Variants in KCNC2 observed in about 807,000 individuals in gnomAD.
KCNC2 encodes potassium voltage-gated channel subfamily C member 2.
Under a neutral mutation model 44.5 loss-of-function variants are expected in KCNC2, and 21 were observed. The ratio of observed to expected loss-of-function variants is 0.47; its 90% confidence interval spans 0.33 to 0.68. The LOEUF is 0.68. KCNC2 is among the 30% of genes least tolerant of loss of function. The probability of loss-of-function intolerance (pLI) is 0.01; values close to 1 mark genes in which losing one functional copy is unlikely to be tolerated. For missense variants in KCNC2, 589 were observed against 826.2 expected (o/e 0.71, Z 3.52); for synonymous variants, 391 against 339.1 (o/e 1.15, Z -1.68).
intron 3 of KCNC2, among the ~76,000 whole-genome samples, chr12:75,049,481 TAC>T (rs1269966967): frequency 6.6e-6 from 1 of 152,114 alleles, no homozygotes; most frequent in Non-Finnish European, 1.5e-5. Flanking sequence ...ATTTTACCTG[TAC>T]CAGACAGTAG....
In KCNC2 at chr12:75,041,119, A is replaced by C. The variant is rs373306032; in HGVS notation, c.*1986T>G. 22 of 1,596,478 alleles carry C rather than the reference A, an allele frequency of 1.4e-5. No individual in the cohort carries two copies. The African/African-American group carries it at 2.9e-4, about 21-fold the overall frequency. On this transcript the variant is annotated 3_prime_UTR_variant, in exon 5 of 5. Coordinates refer to ENST00000549446, the MANE Select transcript of KCNC2 (RefSeq NM_139137.4). ...ACATCAGGGCACATTCAGCAGCAGA[A>C]GTCTGTTTCCAGTATAGTCCTTGGT...
At chr12:75,055,964 T>C (rs1881704140) in intron 2 of KCNC2, among the ~76,000 whole-genome samples, 1 of 152,082 alleles carries the variant, frequency 6.6e-6, no homozygotes, top group Non-Finnish European at 1.5e-5. Flanking sequence ...TCACAAATGC[T>C]TATTCATTTT....
intron 2 of KCNC2, among the ~76,000 whole-genome samples, chr12:75,184,105 C>T (rs1892776383): frequency 6.6e-6 from 1 of 152,176 alleles, no homozygotes; most frequent in Admixed American, 6.5e-5. Context: ...TGATTAGATT[C>T]TCTTTCCATG....
At chr12:75,184,761 T>C (rs1892820280) in intron 2 of KCNC2, among the ~76,000 whole-genome samples, 1 of 152,222 alleles carries the variant, frequency 6.6e-6, no homozygotes, top group Non-Finnish European at 1.5e-5. Context: ...ATATGCAAAA[T>C]ATTCATCCAG....
chr12:75,101,316 A>C (rs1432907479), intron 2 of KCNC2, among the ~76,000 whole-genome samples: 1 of 152,050 alleles, frequency 6.6e-6, no homozygotes. Context: ...TTCAGGTTAC[A>C]TGGTGTTCAG....
At position 75,155,131 on chromosome 12, in the gene KCNC2, A is replaced by T. The variant is rs190927513; in HGVS notation, c.687+52166T>A. Among the ~76,000 whole-genome samples the T allele has an allele frequency of 7.2e-5, 11 of 152,002 alleles. No homozygotes were observed. In the East Asian group the frequency reaches 1.9e-3, roughly 27 times the overall value. On this transcript the variant is annotated intron_variant, in intron 2 of 4. Coordinates refer to ENST00000549446, the MANE Select transcript of KCNC2 (RefSeq NM_139137.4). ...GTCAACCCTCTCTCCCAAGAAAAAA[A>T]AACGCCCCTCTTTACCATGCCTGCA...
chr12:75,141,239 T>C (rs559748992), intron 2 of KCNC2, among the ~76,000 whole-genome samples: 1 of 152,328 alleles, frequency 6.6e-6, no homozygotes, highest in South Asian at 2.1e-4. Context: ...TTCTAAATTC[T>C]CTCAACAATG....
Position 75,051,156 on chromosome 12 carries a change from C to A in KCNC2, c.849G>T (p.Thr283=), listed in dbSNP as rs201186928. The A allele has an allele frequency of 1.2e-6, 2 of 1,613,762 alleles. No homozygotes were observed. The highest frequency in any genetic ancestry group is 1.7e-6 in the Non-Finnish European group (2 of 1,179,772). The change falls in exon 3 of 5, where the codon ACG becomes ACT. Residue 283 remains threonine, a synonymous_variant. Coordinates refer to ENST00000549446, the MANE Select transcript of KCNC2 (RefSeq NM_139137.4). The part of the protein sequence containing the change: ...QYEIETDPAL[T]YVEGVCVVWF... The stretch of plus-strand genomic sequence containing the variant: ...ACACCACACACACTCCTTCTACATA[C>A]GTCAAGGCAGGATCCGTTTCAATTT...
At chr12:75,122,472 C>T (rs913822138) in intron 2 of KCNC2, among the ~76,000 whole-genome samples, 9 of 152,198 alleles carry the variant, frequency 5.9e-5, no homozygotes, top group Admixed American at 4.6e-4. Context: ...AGTCCTAACT[C>T]TTCCCATCTA....
At chr12:75,054,815 C>T (rs913693597) in intron 2 of KCNC2, among the ~76,000 whole-genome samples, 10 of 152,286 alleles carry the variant, frequency 6.6e-5, no homozygotes, top group African/African-American at 2.4e-4. Context: ...AGTTTGTTAG[C>T]AATTTACTTC....
chr12:75,203,860 T>G (rs1233087375), intron 2 of KCNC2, among the ~76,000 whole-genome samples: 5 of 151,964 alleles, frequency 3.3e-5, no homozygotes, highest in Non-Finnish European at 7.4e-5. Flanking sequence ...TATGTGATTT[T>G]TAAAAACTTC....
rs1487280747 is a variant in KCNC2 at position 75,069,150 on chromosome 12, T to TTTTTTTC, written c.688-17834_688-17833insGAAAAAA. Reference sequence around the variant, plus strand: ...TAATCTTTTTTTTTTTTTTTTTTTTTTGAGACGGAATTTCACTCTTGTTGT... The same window carrying TTTTTTTC: ...TAATCTTTTTTTTTTTTTTTTTTTTTTTTTTTCTGAGACGGAATTTCACTCTTGTTGT... On this transcript the variant is annotated intron_variant, in intron 2 of 4. Transcript: ENST00000549446. Among the ~76,000 whole-genome samples, 21 of 142,618 alleles carry TTTTTTTC rather than the reference T, an allele frequency of 1.5e-4. 1 individual carries two copies. The highest frequency in any genetic ancestry group is 5.4e-4 in the African/African-American group (21 of 38,996). 93.6% of individuals were successfully genotyped at this position (142,618 alleles called of 152,430 possible). A position where few individuals can be genotyped will look rare whatever the true frequency, so the allele number is the denominator to read the frequency against.
intron 2 of KCNC2, chr12:75,124,251 T>C (rs1243791638): frequency 6.6e-6 from 1 of 152,220 alleles, no homozygotes; most frequent in African/African-American, 2.4e-5. Context: ...CTTTACACTG[T>C]ATGTTTTTTA....
At chr12:75,058,293 C>T (rs1190959282) in intron 2 of KCNC2, among the ~76,000 whole-genome samples, 1 of 151,468 alleles carries the variant, frequency 6.6e-6, no homozygotes, top group Non-Finnish European at 1.5e-5. Flanking sequence ...ATTGTAATTT[C>T]AAAATTGCAA....
intron 2 of KCNC2, among the ~76,000 whole-genome samples, chr12:75,138,979 T>TAAAAAAAAAGA (rs1889438410): frequency 1.3e-5 from 1 of 77,928 alleles, no homozygotes; most frequent in African/African-American, 5.4e-5. Flanking sequence ...AGACTCCGTG[T>TAAAAAAAAAGA]AAAAAAAAAA....
chr12:75,131,708 A>T (rs1888857772), intron 2 of KCNC2, among the ~76,000 whole-genome samples: 1 of 152,204 alleles, frequency 6.6e-6, no homozygotes, highest in Non-Finnish European at 1.5e-5. Context: ...CAGGCCCTGT[A>T]GGAGTGAAGA....
chr12:75,070,682 A>C (rs1486925262), intron 2 of KCNC2, among the ~76,000 whole-genome samples: 1 of 151,894 alleles, frequency 6.6e-6, no homozygotes, highest in South Asian at 2.1e-4. Flanking sequence ...TTTTATAAAC[A>C]TATAAATGCA....
intron 2 of KCNC2, among the ~76,000 whole-genome samples, chr12:75,186,275 T>C (rs1892941969): frequency 6.6e-6 from 1 of 152,058 alleles, no homozygotes; most frequent in Non-Finnish European, 1.5e-5. Flanking sequence ...CTCCCTTCCA[T>C]GCATCTTGTG....
At chr12:75,159,503 A>T (rs1181270553) in intron 2 of KCNC2, among the ~76,000 whole-genome samples, 2 of 151,798 alleles carry the variant, frequency 1.3e-5, no homozygotes, top group African/African-American at 4.8e-5. Flanking sequence ...ATATCAGTAA[A>T]TAATTAAATA....
Sources: gnomAD v4.1 joint callset for allele counts (sites outside exome capture counted in the v4.1 genomes callset) on GRCh38, gnomAD v4.1.1 for gene constraint, MANE v1.5 for transcripts, NCBI Gene and HGNC (gene_info 2026-07-23, HGNC 2026-07-21) for gene names.